Variants in MYO18B observed in about 807,000 individuals in gnomAD.
The protein encoded by MYO18B is myosin XVIIIB.
In MYO18B, 204 loss-of-function variants were observed where a neutral mutation model predicts 273.0. That is an observed-to-expected ratio of 0.75 (90% CI 0.67 to 0.84). The LOEUF is 0.84. Among genes scored for constraint, MYO18B ranks in the 40% least tolerant of loss-of-function variants. The pLI is 0.00. For missense variants in MYO18B, 3,212 were observed against 3,287.6 expected (o/e 0.98, Z 0.56); for synonymous variants, 1,330 against 1,305.7 (o/e 1.02, Z -0.40).
chr22:25,952,972 A>G (rs1427158286), intron 38 of MYO18B, among the ~76,000 whole-genome samples: 1 of 152,248 alleles, frequency 6.6e-6, no homozygotes, highest in Non-Finnish European at 1.5e-5. Flanking sequence ...ATATGTACAT[A>G]AATATCTGTA....
At chr22:25,761,948 C>G (rs1186008908) in intron 2 of MYO18B, among the ~76,000 whole-genome samples, 1 of 152,070 alleles carries the variant, frequency 6.6e-6, no homozygotes, top group Non-Finnish European at 1.5e-5. Flanking sequence ...ATAGTGAAAC[C>G]ACGTCTCTAC....
the MYO18B span, among the ~76,000 whole-genome samples, chr22:26,059,899 C>T: frequency 6.6e-6 from 1 of 152,180 alleles, no homozygotes; most frequent in Non-Finnish European, 1.5e-5. Context: ...TAGGTTGCAA[C>T]GTGTTGGCAT....
Position 25,883,917 on chromosome 22 carries a change from G to GT in MYO18B, c.4314+5876dup, listed in dbSNP as rs1271321263. On this transcript the variant is annotated intron_variant, in intron 25 of 43. Coordinates refer to ENST00000335473, the MANE Select transcript of MYO18B (RefSeq NM_032608.7). The surrounding 1 kb of genome is among the most constrained non-coding windows in gnomAD (Gnocchi z 7.6). The stretch of plus-strand genomic sequence containing the variant: ...AAAATGTGCCTTGATGCAAACTGGG[G>GT]TTTTTTTATTTTCATAAGAAGGCAG... Among the ~76,000 whole-genome samples the GT allele has an allele frequency of 1.3e-5, 2 of 152,120 alleles. No homozygotes were observed. The highest frequency in any genetic ancestry group is 1.5e-5 in the Non-Finnish European group (1 of 68,022).
intron 40 of MYO18B, among the ~76,000 whole-genome samples, chr22:25,998,025 CT>C (rs1229157679): frequency 1.3e-5 from 2 of 150,496 alleles, no homozygotes; most frequent in African/African-American, 2.5e-5. Flanking sequence ...AGGTGAGGTT[CT>C]TTGAGAGACT....
chr22:25,772,358 G>A lies in MYO18B; in HGVS notation c.1717G>A (p.Val573Ile), dbSNP rs763343161. 59 of 1,613,826 alleles carry A rather than the reference G, an allele frequency of 3.7e-5. No homozygotes were observed. The highest frequency in any genetic ancestry group is 1.6e-4 in the Middle Eastern group (1 of 6,080). ...HRANPPELDQ[V>I]EDLASLISVN... ...GGCCAACCCTCCTGAGCTGGACCAG[G>A]TCGAGGACCTGGCCTCTCTCATCAG... Residue 573 changes from valine (V) to isoleucine (I), a missense_variant, in exon 7 of 44, where the codon GTC becomes ATC. Coordinates refer to ENST00000335473, the MANE Select transcript of MYO18B (RefSeq NM_032608.7).
intron 17 of MYO18B, among the ~76,000 whole-genome samples, chr22:25,842,668 G>A (rs1302929897): frequency 8.8e-5 from 10 of 113,764 alleles, no homozygotes; most frequent in African/African-American, 2.0e-4. Flanking sequence ...GTGAAACTCC[G>A]TCTCAAAAAA....
chr22:25,954,573 T>A (rs1186206335), intron 38 of MYO18B, among the ~76,000 whole-genome samples: 1 of 152,126 alleles, frequency 6.6e-6, no homozygotes, highest in Non-Finnish European at 1.5e-5. Context: ...ATCATCCCTG[T>A]CTCTCAGAGG....
intron 29 of MYO18B, among the ~76,000 whole-genome samples, chr22:25,902,005 TA>T (rs1180915486): frequency 6.6e-6 from 1 of 151,864 alleles, no homozygotes. Flanking sequence ...TTTTAAAGTT[TA>T]AAAATTTTAA....
chr22:25,761,225 G>C, intron 2 of MYO18B, 94 bp downstream of exon 2: 2 of 1,358,032 alleles, frequency 1.5e-6, no homozygotes, highest in East Asian at 2.3e-5. Flanking sequence ...TGAGTGGGGA[G>C]TCTGACATCC....
chr22:25,824,376 C>A (rs931192337), intron 13 of MYO18B, among the ~76,000 whole-genome samples: 1 of 151,986 alleles, frequency 6.6e-6, no homozygotes, highest in African/African-American at 2.4e-5. Context: ...AAGAGAAAGA[C>A]AGAGACCAGC....
At chr22:25,945,089 G>A (rs1027122363) in intron 34 of MYO18B, among the ~76,000 whole-genome samples, 9 of 152,064 alleles carry the variant, frequency 5.9e-5, no homozygotes, top group African/African-American at 1.7e-4. Flanking sequence ...TATTTAAGTC[G>A]GTGTCTCTTA....
intron 28 of MYO18B, 77 bp from the exon 29 acceptor site, chr22:25,898,230 G>A: frequency 6.6e-7 from 1 of 1,504,114 alleles, no homozygotes; most frequent in Non-Finnish European, 9.0e-7. Context: ...CTTGGAAATA[G>A]CAACTCCTTG....
chr22:26,019,178 G>A (rs1008125928), intron 42 of MYO18B, among the ~76,000 whole-genome samples: 2 of 152,106 alleles, frequency 1.3e-5, no homozygotes, highest in African/African-American at 4.8e-5. Context: ...AAACATTATA[G>A]GTAGACAGAC....
intron 36 of MYO18B, among the ~76,000 whole-genome samples, chr22:25,949,254 C>T (rs1232893191): frequency 5.3e-5 from 8 of 152,194 alleles, no homozygotes; most frequent in Non-Finnish European, 5.9e-5. Context: ...AGAAGGGTGT[C>T]TGCCCTGGAG....
intron 39 of MYO18B, among the ~76,000 whole-genome samples, chr22:25,958,496 G>A (rs886918516): frequency 6.6e-6 from 1 of 152,194 alleles, no homozygotes; most frequent in Non-Finnish European, 1.5e-5. Context: ...GCTCTGGGAA[G>A]TTTCCACTGG....
chr22:25,881,640 A>G (rs2091338965), intron 25 of MYO18B, among the ~76,000 whole-genome samples: 1 of 152,136 alleles, frequency 6.6e-6, no homozygotes, highest in Admixed American at 6.5e-5. Flanking sequence ...TGAGATGAAC[A>G]TCTTCAGCAT....
chr22:25,915,927 A>G (rs1052346369), intron 33 of MYO18B, among the ~76,000 whole-genome samples: 2 of 152,202 alleles, frequency 1.3e-5, no homozygotes, highest in African/African-American at 4.8e-5. Flanking sequence ...TTTCTGAGAC[A>G]ATTTTTTGTA....
At chr22:25,850,192 A>T (rs907971472) in intron 20 of MYO18B, among the ~76,000 whole-genome samples, 4 of 152,212 alleles carry the variant, frequency 2.6e-5, no homozygotes, top group African/African-American at 9.7e-5. Context: ...CTTATTGTGA[A>T]GTCTCAAAAG....
At chr22:25,779,565 G>T in intron 8 of MYO18B, among the ~76,000 whole-genome samples, 1 of 152,240 alleles carries the variant, frequency 6.6e-6, no homozygotes, top group Non-Finnish European at 1.5e-5. Context: ...AATCGCATGT[G>T]TCTGAGGGTG....
Sources: gnomAD v4.1 joint callset for allele counts (sites outside exome capture counted in the v4.1 genomes callset) on GRCh38, gnomAD v4.1.1 for gene constraint, Gnocchi (gnomAD v3.1) non-coding constraint, MANE v1.5 for transcripts, NCBI Gene and HGNC (gene_info 2026-07-23, HGNC 2026-07-21) for gene names.